Variants in GPHN observed in about 807,000 individuals in gnomAD.
GPHN encodes gephyrin.
A neutral mutation model predicts 95.5 loss-of-function variants in GPHN; 17 were observed. That is an observed-to-expected ratio of 0.18 (90% CI 0.12 to 0.27). The LOEUF (loss-of-function observed/expected upper bound fraction) is 0.27, where lower values mean the gene tolerates loss of function less well. Ranked by LOEUF, GPHN falls within the 10% of genes least tolerant of loss-of-function variation. The probability of loss-of-function intolerance (pLI) is 1.00; values close to 1 mark genes in which losing one functional copy is unlikely to be tolerated. For missense variants in GPHN, 660 were observed against 978.1 expected, an observed-to-expected ratio of 0.67 and a Z score of 4.34; for synonymous variants, 320 against 322.5, an observed-to-expected ratio of 0.99 and a Z score of 0.08.
chr14:66,987,245 T>G (rs1433130298), intron 9 of GPHN, among the ~76,000 whole-genome samples: 1 of 152,116 alleles, frequency 6.6e-6, no homozygotes, highest in Non-Finnish European at 1.5e-5. Flanking sequence ...TGGTTTAAAC[T>G]ATGGATTATG....
the GPHN span, among the ~76,000 whole-genome samples, chr14:67,566,050 C>T: frequency 1.3e-5 from 2 of 152,292 alleles, no homozygotes; most frequent in South Asian, 4.1e-4. Context: ...ACCCAGGAGG[C>T]GAAGGTTGCA....
intron 9 of GPHN, among the ~76,000 whole-genome samples, chr14:67,008,002 AGC>A (rs1261214849): frequency 2.0e-5 from 3 of 152,216 alleles, no homozygotes; most frequent in Non-Finnish European, 4.4e-5. Flanking sequence ...GAACATAAGC[AGC>A]AGTTTATAGA....
At chr14:67,167,677 C>T (rs150010133) in intron 20 of GPHN, among the ~76,000 whole-genome samples, 198 of 152,246 alleles carry the variant, frequency 1.3e-3, no homozygotes, top group African/African-American at 4.5e-3. Context: ...TCTAGTAGCC[C>T]ATTCCCCACT....
At chr14:66,818,168 C>G (rs1312137566) in intron 3 of GPHN, among the ~76,000 whole-genome samples, 1 of 151,936 alleles carries the variant, frequency 6.6e-6, no homozygotes, top group Admixed American at 6.6e-5. Context: ...CATAGGTAAA[C>G]ATATGTCATG....
chr14:67,260,412 A>G, the GPHN span, among the ~76,000 whole-genome samples: 8 of 152,250 alleles, frequency 5.3e-5, no homozygotes, highest in Non-Finnish European at 1.0e-4. Flanking sequence ...ATATTTGTAT[A>G]TAGCACAATA....
At position 66,973,716 on chromosome 14, in the gene GPHN, G is replaced by A. The variant is rs549516022; in HGVS notation, c.963+8391G>A. On this transcript the variant is annotated intron_variant, in intron 9 of 22. Coordinates refer to ENST00000478722, the MANE Select transcript of GPHN (RefSeq NM_020806.5). ...GGAGGTTGCAGTGAGCTGAGCTCAC[G>A]CCACTGCCGTCTAGACTGGTGACAG... 1.4e-4 allele frequency among the ~76,000 whole-genome samples: 21 copies of A among 152,230 alleles called. No homozygotes were observed. In the South Asian group the frequency reaches 1.7e-3, roughly 12 times the overall value.
intron 1 of GPHN, among the ~76,000 whole-genome samples, chr14:66,647,586 A>G (rs2064824609): frequency 6.6e-6 from 1 of 151,992 alleles, no homozygotes; most frequent in Non-Finnish European, 1.5e-5. Flanking sequence ...ATACATACCT[A>G]TGATAAAGTT....
intron 8 of GPHN, among the ~76,000 whole-genome samples, chr14:66,926,682 G>A (rs2066500661): frequency 1.3e-5 from 2 of 152,148 alleles, no homozygotes; most frequent in African/African-American, 4.8e-5. Context: ...GTCAGGTAGT[G>A]TGATTCTTCC....
At chr14:67,135,439 T>C (rs2080017953) in intron 17 of GPHN, among the ~76,000 whole-genome samples, 1 of 152,238 alleles carries the variant, frequency 6.6e-6, no homozygotes, top group Non-Finnish European at 1.5e-5. Flanking sequence ...CAAGTATCAT[T>C]CTTCCATTTT....
At chr14:66,576,691 A>G (rs939189642) in intron 1 of GPHN, among the ~76,000 whole-genome samples, 3 of 152,138 alleles carry the variant, frequency 2.0e-5, no homozygotes, top group African/African-American at 7.2e-5. Flanking sequence ...ATAGGAAGAA[A>G]ATACCTTCAC....
rs182050902 is a variant in GPHN at position 67,083,186 on chromosome 14, T to C, written c.1145-5797T>C. On this transcript the variant is annotated intron_variant, in intron 11 of 22. Transcript: ENST00000478722. Reference sequence around the variant, plus strand: ...CAACGTGAGACCTCTTACATGTCAATTTTGCAAATAGTTGCTAACTGATTG... The same window carrying C: ...CAACGTGAGACCTCTTACATGTCAACTTTGCAAATAGTTGCTAACTGATTG... 2.0e-5 allele frequency among the ~76,000 whole-genome samples: 3 copies of C among 152,282 alleles called. No homozygotes were observed. In the East Asian group the frequency reaches 5.8e-4, roughly 29 times the overall value.
chr14:67,120,008 T>C (rs987191907), intron 16 of GPHN, among the ~76,000 whole-genome samples: 5 of 151,694 alleles, frequency 3.3e-5, no homozygotes, highest in African/African-American at 9.7e-5. Context: ...TGTGCGCCTG[T>C]AGTCCCAGAT....
chr14:66,586,069 G>C (rs1383260000), intron 1 of GPHN, among the ~76,000 whole-genome samples: 4 of 152,268 alleles, frequency 2.6e-5, no homozygotes, highest in African/African-American at 7.2e-5. Flanking sequence ...GAATCTGGGT[G>C]CTCCTGTATT....
At chr14:67,622,089 CAAAT>C in the GPHN span, among the ~76,000 whole-genome samples, 2 of 152,068 alleles carry the variant, frequency 1.3e-5, no homozygotes, top group Admixed American at 6.5e-5. Context: ...GACTCCATCT[CAAAT>C]AAATAAATAA....
chr14:66,875,396 C>A (rs1165143419), intron 4 of GPHN, among the ~76,000 whole-genome samples: 1 of 152,188 alleles, frequency 6.6e-6, no homozygotes, highest in Non-Finnish European at 1.5e-5. Context: ...GGATCAAATT[C>A]ACACATAACA....
chr14:67,016,660 C>T (rs993720278), intron 9 of GPHN, among the ~76,000 whole-genome samples: 1 of 152,042 alleles, frequency 6.6e-6, no homozygotes, highest in African/African-American at 2.4e-5. Context: ...AAAACCAAGA[C>T]CCATAGAGAG....
the GPHN span, among the ~76,000 whole-genome samples, chr14:67,246,592 C>T: frequency 6.6e-6 from 1 of 151,078 alleles, no homozygotes. Context: ...CCTTCCACCT[C>T]AACCTCCAAA....
the GPHN span, among the ~76,000 whole-genome samples, chr14:67,233,540 C>T: frequency 6.6e-6 from 1 of 152,198 alleles, no homozygotes; most frequent in Non-Finnish European, 1.5e-5. Context: ...ACAGGTTTTA[C>T]AAGTTTCTAG....
intron 21 of GPHN, among the ~76,000 whole-genome samples, chr14:67,178,045 C>T (rs2083103073): frequency 6.6e-6 from 1 of 152,164 alleles, no homozygotes; most frequent in Non-Finnish European, 1.5e-5. Flanking sequence ...TTAATTGGGG[C>T]ATTTAGCCCA....
Sources: gnomAD v4.1 joint callset for allele counts (sites outside exome capture counted in the v4.1 genomes callset) on GRCh38, gnomAD v4.1.1 for gene constraint, MANE v1.5 for transcripts, NCBI Gene and HGNC (gene_info 2026-07-23, HGNC 2026-07-21) for gene names.